KLF12: variants seen among roughly 807,000 people sequenced by gnomAD.
The protein encoded by KLF12 is Krueppel-like factor 12.
In KLF12, 9 loss-of-function variants were observed where a neutral mutation model predicts 37.8. The ratio of observed to expected loss-of-function variants is 0.24; its 90% CI spans 0.14 to 0.42. The LOEUF is 0.42. Among genes scored for constraint, KLF12 ranks in the 10% least tolerant of loss-of-function variants. KLF12 has a pLI of 1.00. For missense variants in KLF12, 411 were observed against 516.0 expected (o/e 0.80, Z 1.97); for synonymous variants, 208 against 202.1 (o/e 1.03, Z -0.25).
At chr13:74,113,934 A>C (rs1460989759) in intron 1 of KLF12, among the ~76,000 whole-genome samples, 1 of 152,226 alleles carries the variant, frequency 6.6e-6, no homozygotes, top group African/African-American at 2.4e-5. Context: ...AGTTTAGAAG[A>C]AGCTGATTCC....
chr13:73,964,966 T>C lies in KLF12; in HGVS notation c.34-20896A>G, dbSNP rs142186746. Among the ~76,000 whole-genome samples the C allele has an allele frequency of 1.4e-4, 22 of 152,310 alleles. No individual in the cohort carries two copies. In the East Asian group the frequency reaches 4.2e-3, roughly 29 times the overall value. On this transcript the variant is annotated intron_variant, in intron 2 of 7. Transcript: ENST00000377669. ...TGTAAGCAGTGCTTCCCAATTATTT[T>C]CACACTATGGAACATGCAAAAAAGG...
the KLF12 span, among the ~76,000 whole-genome samples, chr13:74,252,904 G>A: frequency 3.2e-3 from 482 of 152,016 alleles, 3 homozygotes; most frequent in African/African-American, 0.011. Flanking sequence ...AGAAATATCC[G>A]GTCTAGATTA....
At chr13:73,858,098 T>G (rs1361786854) in intron 3 of KLF12, among the ~76,000 whole-genome samples, 1 of 152,210 alleles carries the variant, frequency 6.6e-6, no homozygotes, top group Non-Finnish European at 1.5e-5. Context: ...TTTATCTTTT[T>G]TCCTATATTT....
intron 6 of KLF12, among the ~76,000 whole-genome samples, chr13:73,752,155 G>C (rs1231618309): frequency 1.3e-5 from 2 of 151,964 alleles, no homozygotes; most frequent in Admixed American, 1.3e-4. Context: ...GCTAATTTTT[G>C]TATTTTTTGT....
intron 1 of KLF12, among the ~76,000 whole-genome samples, chr13:74,020,412 G>A (rs545480293): frequency 1.3e-5 from 2 of 152,102 alleles, no homozygotes; most frequent in East Asian, 1.9e-4. Flanking sequence ...TCTCACTCAA[G>A]GTCTTAGCAC....
chr13:73,773,165 C>T (rs763548433), intron 5 of KLF12, among the ~76,000 whole-genome samples: 1 of 152,184 alleles, frequency 6.6e-6, no homozygotes, highest in Non-Finnish European at 1.5e-5. Context: ...GTATCCTTAG[C>T]ATATAAATCA....
intron 1 of KLF12, among the ~76,000 whole-genome samples, chr13:74,052,575 T>C (rs1453383600): frequency 2.0e-5 from 3 of 152,068 alleles, no homozygotes; most frequent in Admixed American, 6.6e-5. Flanking sequence ...CACTCCACCA[T>C]CATGTGGCGG....
At chr13:73,871,825 C>T (rs888741398) in intron 3 of KLF12, among the ~76,000 whole-genome samples, 4 of 151,560 alleles carry the variant, frequency 2.6e-5, no homozygotes, top group African/African-American at 9.7e-5. Flanking sequence ...TTTTCCACTT[C>T]CCATGCTGTA....
rs1881864109 is a variant in KLF12, at chr13:73,794,626, AT to A, written c.806+18525del. Among the ~76,000 whole-genome samples the A allele has an allele frequency of 2.0e-5, 3 of 152,220 alleles. No individual in the cohort carries two copies. The South Asian group carries it at 6.2e-4, about 32-fold the overall frequency. On this transcript the variant is annotated intron_variant, in intron 5 of 7. Transcript: ENST00000377669. ...CCTGTTATCTGACAATATTCAATAT[AT>A]TTAAAGGATGACTTTGAAAGTAGCC...
At chr13:74,264,066 A>G in the KLF12 span, among the ~76,000 whole-genome samples, 1 of 152,192 alleles carries the variant, frequency 6.6e-6, no homozygotes, top group African/African-American at 2.4e-5. Context: ...GTGAAAATGC[A>G]GTTGTGTCAG....
intron 1 of KLF12, among the ~76,000 whole-genome samples, chr13:74,001,398 T>C (rs190171676): frequency 6.6e-6 from 1 of 152,350 alleles, no homozygotes; most frequent in East Asian, 1.9e-4. Flanking sequence ...CAATTACAAA[T>C]GCATAGTTCA....
the KLF12 span, among the ~76,000 whole-genome samples, chr13:74,230,986 T>C: frequency 3.3e-5 from 5 of 152,218 alleles, no homozygotes; most frequent in South Asian, 8.3e-4. Context: ...CTCATCTTAG[T>C]TGAATCCTCA....
intron 3 of KLF12, among the ~76,000 whole-genome samples, chr13:73,919,281 G>A (rs921485624): frequency 1.3e-5 from 2 of 152,194 alleles, no homozygotes; most frequent in African/African-American, 4.8e-5. Flanking sequence ...TTATCCATAA[G>A]TTGAATCAAT....
At chr13:74,261,912 A>G in the KLF12 span, among the ~76,000 whole-genome samples, 2 of 152,218 alleles carry the variant, frequency 1.3e-5, no homozygotes, top group Non-Finnish European at 2.9e-5. Context: ...CCAAATGAAC[A>G]TGCTCATCCA....
chr13:73,829,589 C>A (rs115060005), intron 4 of KLF12, among the ~76,000 whole-genome samples: 1 of 152,154 alleles, frequency 6.6e-6, no homozygotes, highest in Middle Eastern at 3.4e-3. Context: ...GGTCTAGTAC[C>A]AAGTTCTTCT....
intron 1 of KLF12, among the ~76,000 whole-genome samples, chr13:74,030,184 A>C (rs1207416893): frequency 1.3e-5 from 2 of 152,238 alleles, no homozygotes; most frequent in Admixed American, 1.3e-4. Flanking sequence ...GAGTGGGAGC[A>C]TATTTTGTTT....
At chr13:73,716,345 A>T (rs755445346) in intron 6 of KLF12, among the ~76,000 whole-genome samples, 1 of 152,214 alleles carries the variant, frequency 6.6e-6, no homozygotes, top group East Asian at 1.9e-4. Context: ...TTTTAGTACC[A>T]TGACATTCTT....
At chr13:74,161,791 G>A in the KLF12 span, among the ~76,000 whole-genome samples, 5 of 152,052 alleles carry the variant, frequency 3.3e-5, no homozygotes, top group African/African-American at 4.8e-5. Context: ...TTTTCATTCC[G>A]CCTCAATTCT....
intron 1 of KLF12, among the ~76,000 whole-genome samples, chr13:74,087,460 T>C (rs1286488370): frequency 6.6e-6 from 1 of 152,132 alleles, no homozygotes; most frequent in East Asian, 1.9e-4. Context: ...AATCTCACAA[T>C]AGCTCAGAGT....
Sources: allele counts gnomAD v4.1 joint callset (sites outside exome capture counted in the v4.1 genomes callset), GRCh38; gene constraint gnomAD v4.1.1; transcripts MANE v1.5; gene names NCBI Gene and HGNC (gene_info 2026-07-23, HGNC 2026-07-21).